GALNTL6: variants seen among roughly 807,000 people sequenced by gnomAD.
GALNTL6 encodes polypeptide N-acetylgalactosaminyltransferase-like 6.
GALNTL6 carries 46 observed loss-of-function variants against 73.7 expected under a neutral mutation model. That is an observed-to-expected ratio of 0.62 (90% CI 0.49 to 0.80). The LOEUF is 0.80. Among genes scored for constraint, GALNTL6 ranks in the 30% least tolerant of loss-of-function variants. GALNTL6 has a pLI of 0.00. For missense variants in GALNTL6, 604 were observed against 755.0 expected (o/e 0.80, Z 2.34); for synonymous variants, 259 against 263.7 (o/e 0.98, Z 0.17).
At chr4:172,404,587 T>C (rs1744146234) in intron 5 of GALNTL6, among the ~76,000 whole-genome samples, 1 of 151,164 alleles carries the variant, frequency 6.6e-6, no homozygotes. Flanking sequence ...ACACAAATCT[T>C]GGCTTTCTTC....
At chr4:172,287,242 T>A (rs971190938) in intron 3 of GALNTL6, among the ~76,000 whole-genome samples, 4 of 152,196 alleles carry the variant, frequency 2.6e-5, no homozygotes, top group Admixed American at 6.5e-5. Context: ...TGTGTCTCTT[T>A]AGATAATAAG....
At chr4:171,816,001 A>G (rs963154276) in intron 2 of GALNTL6, 14 of 152,134 alleles carry the variant, frequency 9.2e-5, no homozygotes, top group African/African-American at 3.1e-4. Flanking sequence ...TAGGAATTCA[A>G]CTTTGGTTTG....
intron 7 of GALNTL6, among the ~76,000 whole-genome samples, chr4:172,867,290 T>A (rs75695946): frequency 0.017 from 2,658 of 152,282 alleles, 79 homozygotes; most frequent in African/African-American, 0.06. Flanking sequence ...ACCAGTGCTA[T>A]AAAGTGACAA....
intron 5 of GALNTL6, among the ~76,000 whole-genome samples, chr4:172,706,623 C>T (rs1226967072): frequency 6.6e-6 from 1 of 152,102 alleles, no homozygotes; most frequent in East Asian, 1.9e-4. Context: ...CTGATGAGTT[C>T]CTTTAGCCCA....
intron 4 of GALNTL6, among the ~76,000 whole-genome samples, chr4:172,325,413 T>C (rs1356575766): frequency 1.3e-5 from 2 of 151,934 alleles, no homozygotes; most frequent in Admixed American, 1.3e-4. Flanking sequence ...TGAACTCAAA[T>C]GTAAAATCTA....
intron 10 of GALNTL6, among the ~76,000 whole-genome samples, chr4:172,986,465 A>C (rs1323856487): frequency 2.6e-5 from 4 of 152,228 alleles, no homozygotes; most frequent in East Asian, 1.9e-4. Context: ...ATTCAGGCAA[A>C]TAGCTCTGAG....
chr4:172,393,055 A>T lies in GALNTL6; in HGVS notation c.553+44366A>T, dbSNP rs1454926698. ...CGGCGATCTAGGTTGAGCCGTCCTTATGAGAATCTAACTAATGCCTGATGA... is the reference window on the plus strand; with the variant it reads ...CGGCGATCTAGGTTGAGCCGTCCTTTTGAGAATCTAACTAATGCCTGATGA... On this transcript the variant is annotated intron_variant, in intron 5 of 12. Coordinates refer to ENST00000506823, the MANE Select transcript of GALNTL6 (RefSeq NM_001034845.3). Among the ~76,000 whole-genome samples the T allele has an allele frequency of 2.0e-5, 3 of 152,136 alleles. No individual in the cohort carries two copies. The South Asian group carries it at 6.2e-4, about 31-fold the overall frequency.
chr4:172,236,099 C>T (rs547309352), intron 3 of GALNTL6, among the ~76,000 whole-genome samples: 4 of 152,088 alleles, frequency 2.6e-5, no homozygotes, highest in African/African-American at 4.8e-5. Flanking sequence ...ACTAAATTCC[C>T]GTCTGAATAT....
chr4:171,926,015 T>G (rs1037399562), intron 2 of GALNTL6, among the ~76,000 whole-genome samples: 2 of 151,602 alleles, frequency 1.3e-5, no homozygotes, highest in African/African-American at 4.9e-5. Context: ...ATATTATTAC[T>G]GACACACATG....
chr4:171,837,646 A>G (rs567206393), intron 2 of GALNTL6, among the ~76,000 whole-genome samples: 215 of 147,052 alleles, frequency 1.5e-3, no homozygotes, highest in Middle Eastern at 3.6e-3. Context: ...ATAATATATT[A>G]ATAATAAATT....
chr4:172,138,902 T>C (rs1733726530), intron 2 of GALNTL6, among the ~76,000 whole-genome samples: 1 of 152,094 alleles, frequency 6.6e-6, no homozygotes, highest in South Asian at 2.1e-4. Context: ...GAAAAGTTTA[T>C]AAATTATTTC....
chr4:171,868,208 C>T (rs576826645), intron 2 of GALNTL6, among the ~76,000 whole-genome samples: 4 of 152,058 alleles, frequency 2.6e-5, no homozygotes, highest in East Asian at 1.9e-4. Context: ...AGGCTGGTCT[C>T]GAACTACTGG....
chr4:172,271,981 C>T (rs557042958), intron 3 of GALNTL6, among the ~76,000 whole-genome samples: 70 of 151,668 alleles, frequency 4.6e-4, no homozygotes, highest in Admixed American at 2.2e-3. Context: ...GAGATGGAGT[C>T]TCACTCTATT....
rs113079281 is a variant in GALNTL6 at position 173,021,073 on chromosome 4, AAAAC to A, written c.1489-391_1489-388del. 9.4e-4 allele frequency among the ~76,000 whole-genome samples: 143 copies of A among 152,040 alleles called. 1 individual carries two copies. Among genetic ancestry groups the A allele is most frequent in the African/African-American group, 2.9e-3 (119 of 41,376 alleles). ...GGGAGACAGGGTGAGACTCTGTCTG[AAAAC>A]AAACAAACAAAAAAAGACTTTATTT... On this transcript the variant is annotated intron_variant, in intron 11 of 12. Transcript: ENST00000506823.
chr4:173,040,327 T>C lies in GALNTL6; in HGVS notation c.*227T>C. 1 of 503,346 alleles carries C rather than the reference T, an allele frequency of 2.0e-6. No individual in the cohort carries two copies. Among genetic ancestry groups the C allele is most frequent in the Non-Finnish European group, 3.5e-6 (1 of 287,310 alleles). 31.2% of individuals were successfully genotyped at this position (503,346 alleles called of 1,614,324 possible). On this transcript the variant is annotated 3_prime_UTR_variant, in exon 13 of 13. Coordinates refer to ENST00000506823, the MANE Select transcript of GALNTL6 (RefSeq NM_001034845.3). ...TGAGAACTCGAGACTAGCAGTTCCC[T>C]TGCTGGCCAAGGGCAAAGATAATTT...
At chr4:171,905,370 A>T (rs896939580) in intron 2 of GALNTL6, among the ~76,000 whole-genome samples, 3 of 152,198 alleles carry the variant, frequency 2.0e-5, no homozygotes, top group African/African-American at 7.2e-5. Flanking sequence ...ACAGACTTTA[A>T]ACCAACAAAG....
At chr4:171,825,826 A>G (rs374836174) in intron 2 of GALNTL6, among the ~76,000 whole-genome samples, 2 of 152,196 alleles carry the variant, frequency 1.3e-5, no homozygotes, top group Non-Finnish European at 2.9e-5. Context: ...AAAAACTTGA[A>G]TCTTTTGCTT....
chr4:172,528,534 T>G (rs557689673), intron 5 of GALNTL6, among the ~76,000 whole-genome samples: 25 of 151,246 alleles, frequency 1.7e-4, no homozygotes, highest in Non-Finnish European at 3.2e-4. Flanking sequence ...ATTTTTTATA[T>G]TTTTATAACA....
intron 5 of GALNTL6, among the ~76,000 whole-genome samples, chr4:172,466,676 T>A (rs1732833557): frequency 6.6e-6 from 1 of 152,206 alleles, no homozygotes; most frequent in South Asian, 2.1e-4. Context: ...AAATAAAACT[T>A]CTTTCACCTA....
Sources: gnomAD v4.1 joint callset for allele counts (sites outside exome capture counted in the v4.1 genomes callset) on GRCh38, gnomAD v4.1.1 for gene constraint, MANE v1.5 for transcripts, NCBI Gene and HGNC (gene_info 2026-07-23, HGNC 2026-07-21) for gene names.